The following SSH2 variants were observed in gnomAD, a reference collection of about 807,000 sequenced individuals.
SSH2 encodes the protein protein phosphatase Slingshot homolog 2.
In SSH2, 37 loss-of-function variants were observed where a neutral mutation model predicts 135.2. That is an observed-to-expected ratio of 0.27 (90% CI 0.21 to 0.36). SSH2 has a LOEUF of 0.36. Among genes scored for constraint, SSH2 ranks in the 10% least tolerant of loss-of-function variants. SSH2 has a pLI of 1.00. For synonymous variants in SSH2, 628 were observed against 646.2 expected (o/e 0.97, Z 0.43); for missense variants, 1,408 against 1,765.3 (o/e 0.80, Z 3.63).
Position 29,703,017 on chromosome 17 carries a change from T to C in SSH2, c.234A>G (p.Leu78=). The change falls in exon 4 of 16, where the codon CTA becomes CTG. Residue 78 remains leucine, a synonymous_variant. Coordinates refer to ENST00000540801, the MANE Select transcript of SSH2 (RefSeq NM_001282129.2). Reference sequence around the variant, plus strand: ...GTGTGGATGAGCCATTTCCCCGTGGTAGAAAAAGGGCAGCACCTTTGACAG... The same window carrying C: ...GTGTGGATGAGCCATTTCCCCGTGGCAGAAAAAGGGCAGCACCTTTGACAG... The part of the protein sequence containing the change: ...FLTVKGAALF[L]PRGNGSSTPR... 1.9e-6 allele frequency: 3 copies of C among 1,613,932 alleles called. No homozygotes were observed. Among genetic ancestry groups the C allele is most frequent in the Non-Finnish European group, 2.5e-6 (3 of 1,179,902 alleles).
intron 1 of SSH2, among the ~76,000 whole-genome samples, chr17:29,897,763 C>G (rs1221521973): frequency 6.6e-6 from 1 of 152,184 alleles, no homozygotes; most frequent in Non-Finnish European, 1.5e-5. Context: ...GAACTCAGCT[C>G]TGCACCAAGT....
At chr17:29,894,243 G>T (rs1377134001) in intron 1 of SSH2, among the ~76,000 whole-genome samples, 1 of 151,992 alleles carries the variant, frequency 6.6e-6, no homozygotes, top group African/African-American at 2.4e-5. Context: ...TTATGCAAAG[G>T]CTCAATAAAT....
At chr17:29,806,190 G>C (rs1364510331) in intron 2 of SSH2, among the ~76,000 whole-genome samples, 1 of 152,158 alleles carries the variant, frequency 6.6e-6, no homozygotes, top group Non-Finnish European at 1.5e-5. Flanking sequence ...TTGTTTGCCA[G>C]AACCAGAAAA....
intron 3 of SSH2, among the ~76,000 whole-genome samples, chr17:29,740,501 C>G (rs1041661695): frequency 6.7e-6 from 1 of 149,126 alleles, no homozygotes; most frequent in African/African-American, 2.5e-5. Flanking sequence ...CTGTTTAGAT[C>G]TGCTGGTGAC....
chr17:29,833,039 T>C (rs2042875571), intron 2 of SSH2, among the ~76,000 whole-genome samples: 1 of 152,356 alleles, frequency 6.6e-6, no homozygotes, highest in Non-Finnish European at 1.5e-5. Flanking sequence ...ATGCTCCATA[T>C]GCTGAGAAAA....
intron 3 of SSH2, among the ~76,000 whole-genome samples, chr17:29,770,092 GTTTTTTT>G (rs563803251): frequency 1.1e-4 from 8 of 72,930 alleles, no homozygotes; most frequent in South Asian, 4.8e-4. Context: ...GCTATATTTA[GTTTTTTT>G]TTTTTTTTTT....
chr17:29,772,256 T>A (rs982825414), intron 3 of SSH2, among the ~76,000 whole-genome samples: 1 of 151,466 alleles, frequency 6.6e-6, no homozygotes, highest in African/African-American at 2.4e-5. Flanking sequence ...CTTTTTTTTT[T>A]TTTTTTTGAG....
chr17:29,876,197 GAA>G (rs78321127), intron 1 of SSH2, among the ~76,000 whole-genome samples: 2,116 of 112,622 alleles, frequency 0.019, 21 homozygotes, highest in Non-Finnish European at 0.028. Flanking sequence ...AAGGTAAAAA[GAA>G]AAAAAAAAAA....
rs1014234386 is a variant in SSH2, at chr17:29,800,218, G to GA, written c.145-6282dup. Among the ~76,000 whole-genome samples, 4 of 149,838 alleles carry GA rather than the reference G, an allele frequency of 2.7e-5. No individual in the cohort carries two copies. In the South Asian group the frequency reaches 6.3e-4, roughly 24 times the overall value. On this transcript the variant is annotated intron_variant, in intron 2 of 15. Transcript: ENST00000540801. ...TTTACTTCGAAAAAAAAACTTGAGGGAAAAAAAAACTAAGCATATCAAAGC... is the reference window on the plus strand; with the variant it reads ...TTTACTTCGAAAAAAAAACTTGAGGGAAAAAAAAAACTAAGCATATCAAAGC...
At chr17:29,715,394 C>T (rs2039587810) in intron 3 of SSH2, among the ~76,000 whole-genome samples, 1 of 151,816 alleles carries the variant, frequency 6.6e-6, no homozygotes, top group African/African-American at 2.4e-5. Flanking sequence ...TACAGGTGCC[C>T]GCCACCACGC....
At chr17:29,792,824 C>CG (rs2042093742) in intron 3 of SSH2, among the ~76,000 whole-genome samples, 1 of 152,108 alleles carries the variant, frequency 6.6e-6, no homozygotes, top group Non-Finnish European at 1.5e-5. Flanking sequence ...CTACAGGCAC[C>CG]CGCCACCATG....
At chr17:29,815,011 T>C (rs2042530014) in intron 2 of SSH2, among the ~76,000 whole-genome samples, 1 of 150,448 alleles carries the variant, frequency 6.6e-6, no homozygotes, top group African/African-American at 2.4e-5. Context: ...TGCAATGGTG[T>C]GATCTCAGCT....
Position 29,890,066 on chromosome 17 carries a change from T to G in SSH2, c.63+39872A>C, listed in dbSNP as rs568904652. 3.3e-5 allele frequency among the ~76,000 whole-genome samples: 5 copies of G among 152,304 alleles called. No individual in the cohort carries two copies. The South Asian group carries it at 8.3e-4, about 25-fold the overall frequency. The stretch of plus-strand genomic sequence containing the variant: ...TGGCCAGTGAGCACATGAAAAGATG[T>G]TCAACATCATTAGCCACTAGGGAAA... On this transcript the variant is annotated intron_variant, in intron 1 of 15. Coordinates refer to ENST00000540801, the MANE Select transcript of SSH2 (RefSeq NM_001282129.2).
chr17:29,636,856 C>A, intron 14 of SSH2, 54 bp from the exon 15 acceptor site: 3 of 1,273,308 alleles, frequency 2.4e-6, no homozygotes, highest in Non-Finnish European at 3.3e-6. Flanking sequence ...AGATAATCAA[C>A]ACCCTCCCAG....
chr17:29,767,108 T>TAAG (rs2151266487), intron 3 of SSH2, among the ~76,000 whole-genome samples: 1 of 152,276 alleles, frequency 6.6e-6, no homozygotes, highest in South Asian at 2.1e-4. Flanking sequence ...TTTTCCTCCA[T>TAAG]AAGAGCAATG....
At chr17:29,639,387 C>T (rs558561691) in intron 14 of SSH2, among the ~76,000 whole-genome samples, 52 of 151,988 alleles carry the variant, frequency 3.4e-4, no homozygotes, top group Non-Finnish European at 7.4e-4. Context: ...GTTACCAAAC[C>T]GCAGGGTGGA....
chr17:29,852,613 G>T (rs183843570), intron 1 of SSH2, among the ~76,000 whole-genome samples: 3 of 151,258 alleles, frequency 2.0e-5, no homozygotes, highest in Non-Finnish European at 4.4e-5. Flanking sequence ...GTACAGTGGC[G>T]CAATCTTTGC....
intron 9 of SSH2, among the ~76,000 whole-genome samples, chr17:29,668,898 G>A (rs571662513): frequency 1.1e-4 from 17 of 152,076 alleles, no homozygotes; most frequent in Non-Finnish European, 2.1e-4. Context: ...GCTATTGGTG[G>A]TGTGACTTCT....
intron 14 of SSH2, 109 bp from the exon 15 acceptor site, chr17:29,636,911 A>G: frequency 1.3e-6 from 1 of 787,978 alleles, no homozygotes; most frequent in South Asian, 1.7e-5. Context: ...ATGCTTTGTT[A>G]TTGCTCAATG....
Sources: gnomAD v4.1 joint callset for allele counts (sites outside exome capture counted in the v4.1 genomes callset) on GRCh38, gnomAD v4.1.1 for gene constraint, MANE v1.5 for transcripts, NCBI Gene and HGNC (gene_info 2026-07-23, HGNC 2026-07-21) for gene names.